CADM2: variants seen among roughly 807,000 people sequenced by gnomAD.
CADM2 encodes the protein immunoglobulin superfamily member 4D.
A neutral mutation model predicts 49.8 loss-of-function variants in CADM2; 12 were observed. The ratio of observed to expected loss-of-function variants is 0.24; its 90% CI spans 0.15 to 0.39. The LOEUF (loss-of-function observed/expected upper bound fraction) is 0.39. Ranked by LOEUF, CADM2 falls within the 10% of genes least tolerant of loss-of-function variation. The pLI is 1.00. For missense variants in CADM2, 378 were observed against 492.3 expected (o/e 0.77, Z 2.20); for synonymous variants, 214 against 175.4 (o/e 1.22, Z -1.74).
chr3:85,294,424 A>T (rs2043895353), intron 1 of CADM2, among the ~76,000 whole-genome samples: 2 of 151,738 alleles, frequency 1.3e-5, no homozygotes, highest in Non-Finnish European at 2.9e-5. Context: ...TTCTTCACAG[A>T]ATTGGAAAAA....
chr3:85,730,035 G>T lies in CADM2; in HGVS notation c.88+3487G>T, dbSNP rs138539955. Among the ~76,000 whole-genome samples the T allele has an allele frequency of 6.6e-3, 1,007 of 152,238 alleles. 49 individuals carry two copies. In the South Asian group the frequency reaches 0.11, roughly 16 times the overall value. ...TTAGTCCAATTTTCTAAGTTTAAAA[G>T]ATTTGAAATACCTTTAACTTCTCTT... is the stretch of plus-strand genomic sequence containing the variant. On this transcript the variant is annotated intron_variant, in intron 2 of 9. Transcript: ENST00000383699.
intron 8 of CADM2, among the ~76,000 whole-genome samples, chr3:86,032,394 G>C (rs113036386): frequency 8.6e-5 from 13 of 151,744 alleles, no homozygotes; most frequent in African/African-American, 3.1e-4. Flanking sequence ...ATATAAACTA[G>C]GCCTTTAAAG....
At chr3:85,098,473 G>A (rs2107538745) in intron 1 of CADM2, among the ~76,000 whole-genome samples, 1 of 152,134 alleles carries the variant, frequency 6.6e-6, no homozygotes, top group South Asian at 2.1e-4. Context: ...CAATTAAATG[G>A]ATTAGATGAT....
chr3:85,753,700 A>G (rs1343065882), intron 2 of CADM2, among the ~76,000 whole-genome samples: 1 of 152,310 alleles, frequency 6.6e-6, no homozygotes, highest in African/African-American at 2.4e-5. Context: ...ACAGGTGAGT[A>G]CAAAGCGTGC....
rs2085298297 is a variant in CADM2, at chr3:85,979,413, G to T, written c.970+17766G>T. 2.9e-6 allele frequency: 3 copies of T among 1,023,580 alleles called. No homozygotes were observed. In the South Asian group the frequency reaches 6.2e-5, roughly 21 times the overall value. The allele number at this position is 1,023,580 out of a possible 1,614,324, so 63.4% of individuals were successfully genotyped here. On this transcript the variant is annotated intron_variant, in intron 8 of 9. Transcript: ENST00000383699. ...GAGAAGTAATTAAGTCACCTAAATT[G>T]CTATCAATTAGGGTTATTGGAATAG...
intron 1 of CADM2, among the ~76,000 whole-genome samples, chr3:85,296,139 G>A (rs1203496147): frequency 4.0e-5 from 6 of 151,884 alleles, no homozygotes; most frequent in African/African-American, 1.4e-4. Context: ...ATCTTGAAAT[G>A]TTTGGAATGT....
chr3:85,528,370 C>A (rs1190611350), intron 1 of CADM2, among the ~76,000 whole-genome samples: 5 of 152,150 alleles, frequency 3.3e-5, no homozygotes, highest in African/African-American at 9.7e-5. Context: ...TTACTGTTTT[C>A]TCTTTATAGT....
intron 1 of CADM2, among the ~76,000 whole-genome samples, chr3:85,574,585 C>A (rs1464230334): frequency 6.6e-6 from 1 of 152,166 alleles, no homozygotes; most frequent in Middle Eastern, 3.2e-3. Flanking sequence ...CCTGGTATTA[C>A]TAACCTTCAA....
chr3:85,596,602 C>T (rs1175728971), intron 1 of CADM2, among the ~76,000 whole-genome samples: 2 of 150,356 alleles, frequency 1.3e-5, no homozygotes, highest in Non-Finnish European at 3.0e-5. Flanking sequence ...GACCACTTAC[C>T]ATGAGATCTA....
chr3:85,252,964 T>A (rs2042807755), intron 1 of CADM2, among the ~76,000 whole-genome samples: 1 of 152,044 alleles, frequency 6.6e-6, no homozygotes, highest in South Asian at 2.1e-4. Context: ...GTTAAGAAAG[T>A]AAGTTTTATT....
intron 1 of CADM2, among the ~76,000 whole-genome samples, chr3:85,627,105 T>A (rs956937831): frequency 1.3e-5 from 2 of 152,044 alleles, no homozygotes; most frequent in Admixed American, 6.6e-5. Context: ...CATTAAATTT[T>A]TTTTTTAAAA....
intron 1 of CADM2, among the ~76,000 whole-genome samples, chr3:85,460,299 A>G (rs1052949493): frequency 9.2e-5 from 14 of 152,080 alleles, no homozygotes; most frequent in African/African-American, 3.4e-4. Flanking sequence ...TGTGTTATCT[A>G]TTTAATTCGT....
At chr3:85,743,928 T>C (rs568890277) in intron 2 of CADM2, among the ~76,000 whole-genome samples, 1 of 152,260 alleles carries the variant, frequency 6.6e-6, no homozygotes, top group African/African-American at 2.4e-5. Context: ...GTAAAATAAT[T>C]ATTAGGCAAG....
intron 1 of CADM2, among the ~76,000 whole-genome samples, chr3:85,241,408 G>A (rs1233161665): frequency 2.6e-5 from 4 of 151,420 alleles, no homozygotes; most frequent in East Asian, 1.9e-4. Flanking sequence ...GTTTTTAAAC[G>A]AAAACTTGAA....
chr3:85,948,128 C>A (rs1722964070), intron 7 of CADM2, among the ~76,000 whole-genome samples: 1 of 151,344 alleles, frequency 6.6e-6, no homozygotes, highest in South Asian at 2.1e-4. Flanking sequence ...TACATTTAAG[C>A]ATTTTACTCT....
chr3:86,070,136 A>T lies in CADM2; in HGVS notation c.*3353A>T, dbSNP rs1270871963. On this transcript the variant is annotated 3_prime_UTR_variant, in exon 10 of 10. Transcript: ENST00000383699. ...ATTGATTCATGATGCTTAATCTTTC[A>T]TTGAAACTCCACAATTAAAATAACA... The T allele has an allele frequency of 6.6e-6, 1 of 152,018 alleles. No individual in the cohort carries two copies. The highest frequency in any genetic ancestry group is 2.4e-5 in the African/African-American group (1 of 41,444). The allele number at this position is 152,018 out of a possible 1,614,324, so 9.4% of individuals were successfully genotyped here.
intron 1 of CADM2, among the ~76,000 whole-genome samples, chr3:85,460,048 G>A (rs1318446270): frequency 1.3e-5 from 2 of 152,092 alleles, no homozygotes; most frequent in Non-Finnish European, 2.9e-5. Context: ...TGTAAAAAAT[G>A]TTTTCATCTC....
At chr3:85,429,839 T>C (rs1326723734) in intron 1 of CADM2, among the ~76,000 whole-genome samples, 2 of 152,182 alleles carry the variant, frequency 1.3e-5, no homozygotes, top group Non-Finnish European at 2.9e-5. Flanking sequence ...TTTTACATTT[T>C]AATATGTAAA....
intron 2 of CADM2, among the ~76,000 whole-genome samples, chr3:85,744,885 C>G (rs2068551581): frequency 6.6e-6 from 1 of 152,070 alleles, no homozygotes; most frequent in Admixed American, 6.6e-5. Context: ...AAAGCATTGG[C>G]AGGGCAGCGG....
Sources: allele counts gnomAD v4.1 joint callset (sites outside exome capture counted in the v4.1 genomes callset), GRCh38; gene constraint gnomAD v4.1.1; transcripts MANE v1.5; gene names NCBI Gene and HGNC (gene_info 2026-07-23, HGNC 2026-07-21).